Variants in MOB3A observed in about 807,000 individuals in gnomAD.
MOB3A encodes the protein MOB kinase activator 3A.
MOB3A carries 17 observed loss-of-function variants against 17.8 expected under a neutral mutation model. That is an observed-to-expected ratio of 0.95 (90% CI 0.65 to 1.43). The LOEUF (loss-of-function observed/expected upper bound fraction) is 1.43. Among genes scored for constraint, MOB3A ranks in the 40% most tolerant of loss-of-function variants. MOB3A has a pLI of 0.00. For synonymous variants in MOB3A, 124 were observed against 133.2 expected, an observed-to-expected ratio of 0.93 and a Z score of 0.48; for missense variants, 333 against 310.8, an observed-to-expected ratio of 1.07 and a Z score of -0.54.
intron 2 of MOB3A, among the ~76,000 whole-genome samples, chr19:2,081,171 G>A (rs935357463): frequency 6.6e-6 from 1 of 152,098 alleles, no homozygotes; most frequent in African/African-American, 2.4e-5. Flanking sequence ...GGAGGCCCCA[G>A]GGCTTAGGGT....
Position 2,073,277 on chromosome 19 carries a change from C to T in MOB3A, c.*118G>A. ...ACCAACACCTGCTCAGCGGCTCGGC[C>T]CCTGGTCTCCCTGAGATGCTCAGGC... On this transcript the variant is annotated 3_prime_UTR_variant, in exon 5 of 5. Coordinates refer to ENST00000357066, the MANE Select transcript of MOB3A (RefSeq NM_130807.3). The T allele has an allele frequency of 7.4e-7, 1 of 1,343,274 alleles. No individual in the cohort carries two copies. Among genetic ancestry groups the T allele is most frequent in the Non-Finnish European group, 1.1e-6 (1 of 951,864 alleles). 83.2% of individuals were successfully genotyped at this position (1,343,274 alleles called of 1,614,324 possible).
intron 1 of MOB3A, among the ~76,000 whole-genome samples, chr19:2,092,753 C>CAAA (rs745800527): frequency 1.9e-3 from 92 of 47,818 alleles, no homozygotes; most frequent in African/African-American, 4.7e-3. Flanking sequence ...AACTCCATCT[C>CAAA]AAAAAAAAAA....
chr19:2,080,210 T>C (rs1832167158), intron 2 of MOB3A, among the ~76,000 whole-genome samples: 2 of 152,002 alleles, frequency 1.3e-5, no homozygotes, highest in African/African-American at 4.8e-5. Context: ...CCACGCAGGG[T>C]GCTGGGCAGG....
rs540698426 is a variant in MOB3A at position 2,093,110 on chromosome 19, A to C, written c.-274+3116T>G. Reference sequence around the variant, plus strand: ...GTCAGCTGTGTGGGGAATTTTTCTGAAACCTCCACCATCAGGTCCCTAAGG... The same window carrying C: ...GTCAGCTGTGTGGGGAATTTTTCTGCAACCTCCACCATCAGGTCCCTAAGG... On this transcript the variant is annotated intron_variant, in intron 1 of 4. Coordinates refer to ENST00000357066, the MANE Select transcript of MOB3A (RefSeq NM_130807.3). This position sits in a 1 kb window ranked among gnomAD's most constrained non-coding sequence, Gnocchi z 4.6. 6.3e-4 allele frequency among the ~76,000 whole-genome samples: 96 copies of C among 152,188 alleles called. 1 individual carries two copies. The highest frequency in any genetic ancestry group is 1.0e-3 in the Admixed American group (16 of 15,288).
chr19:2,085,928 C>T (rs1378672170), intron 1 of MOB3A, among the ~76,000 whole-genome samples: 1 of 126,094 alleles, frequency 7.9e-6, no homozygotes, highest in Non-Finnish European at 1.6e-5. Context: ...TGTGCCACTG[C>T]ACTCCAGCCT....
chr19:2,084,436 A>C (rs2017527634), intron 2 of MOB3A, among the ~76,000 whole-genome samples: 1 of 151,752 alleles, frequency 6.6e-6, no homozygotes, highest in South Asian at 2.1e-4. Context: ...CGGAGGCTAC[A>C]GTGAGCTGAG....
In MOB3A at chr19:2,078,585, C is replaced by A; in HGVS notation, c.-25G>T. ...TCTTGGTGACGCCTGCTCTCCTGGACTTCTGTAGAGGGGTCCTGGGCCAGC... is the reference window on the plus strand; with the variant it reads ...TCTTGGTGACGCCTGCTCTCCTGGAATTCTGTAGAGGGGTCCTGGGCCAGC... On this transcript the variant is annotated 5_prime_UTR_variant, in exon 3 of 5. Coordinates refer to ENST00000357066, the MANE Select transcript of MOB3A (RefSeq NM_130807.3). 2 of 1,545,286 alleles carry A rather than the reference C, an allele frequency of 1.3e-6. No homozygotes were observed. Among genetic ancestry groups the A allele is most frequent in the Non-Finnish European group, 8.8e-7 (1 of 1,142,638 alleles).
chr19:2,084,877 C>A (rs781670143), intron 2 of MOB3A, among the ~76,000 whole-genome samples: 1 of 152,084 alleles, frequency 6.6e-6, no homozygotes, highest in Non-Finnish European at 1.5e-5. Context: ...GCGTGAGCCA[C>A]CGTGCCCGGC....
intron 4 of MOB3A, among the ~76,000 whole-genome samples, chr19:2,075,222 G>A (rs945263207): frequency 2.6e-5 from 4 of 152,080 alleles, no homozygotes; most frequent in African/African-American, 9.7e-5. Flanking sequence ...TAGAGATGAG[G>A]TCTCACTATG....
rs2017506757 is a variant in MOB3A, at chr19:2,082,891, T to A, written c.-120+2284A>T. ...CAGTGGCAGGATCATGGCTCACACT[T>A]CAGCCTCGACCTCCTAGCTCAAGGG... On this transcript the variant is annotated intron_variant, in intron 2 of 4. Transcript: ENST00000357066. This position sits in a 1 kb window ranked among gnomAD's most constrained non-coding sequence, Gnocchi z 4.1. 6.6e-6 allele frequency among the ~76,000 whole-genome samples: 1 copy of A among 152,140 alleles called. No individual in the cohort carries two copies.
At position 2,075,032 on chromosome 19, in the gene MOB3A, C is replaced by CT. The variant is rs903527212; in HGVS notation, c.625-1609dup. Among the ~76,000 whole-genome samples the CT allele has an allele frequency of 4.2e-3, 565 of 133,190 alleles. 2 individuals are homozygous for CT. Among genetic ancestry groups the CT allele is most frequent in the Middle Eastern group, 0.039 (9 of 230 alleles). The allele number at this position is 133,190 out of a possible 152,430, so 87.4% of individuals were successfully genotyped here. ...ACGCCGGGCCTTAATCTTTTCTTTT[C>CT]TTTTTTTTTTTTTTTGAGACAGGTT... On this transcript the variant is annotated intron_variant, in intron 4 of 4. Coordinates refer to ENST00000357066, the MANE Select transcript of MOB3A (RefSeq NM_130807.3).
intron 4 of MOB3A, 49 bp downstream of exon 4, chr19:2,076,762 G>A (rs768608116): frequency 2.5e-6 from 4 of 1,586,700 alleles, no homozygotes; most frequent in Non-Finnish European, 2.6e-6. Flanking sequence ...TCTGCCACGG[G>A]CCACCAGCCC....
At chr19:2,073,956 G>A (rs2017372077) in intron 4 of MOB3A, among the ~76,000 whole-genome samples, 2 of 151,950 alleles carry the variant, frequency 1.3e-5, no homozygotes, top group African/African-American at 4.8e-5. Context: ...GCTTGAACCT[G>A]GGAGACAGAG....
chr19:2,077,113 C>G, intron 3 of MOB3A, 100 bp from the exon 4 acceptor site: 2 of 1,120,494 alleles, frequency 1.8e-6, no homozygotes, highest in Non-Finnish European at 2.6e-6. Flanking sequence ...ACAGAAATTG[C>G]TGGCAGATCG....
At chr19:2,080,648 T>C (rs1245772805) in intron 2 of MOB3A, among the ~76,000 whole-genome samples, 2 of 152,114 alleles carry the variant, frequency 1.3e-5, no homozygotes, top group African/African-American at 4.8e-5. Flanking sequence ...AGTGCTGGGA[T>C]TGCAAGCGAG....
At chr19:2,090,558 A>T (rs1427076209) in intron 1 of MOB3A, among the ~76,000 whole-genome samples, 2 of 152,126 alleles carry the variant, frequency 1.3e-5, no homozygotes, top group Non-Finnish European at 2.9e-5. Flanking sequence ...CTCAATACCC[A>T]GGGGGAGACC....
rs1164871586 is a variant in MOB3A, at chr19:2,071,584, G to A, written c.*1811C>T. The stretch of plus-strand genomic sequence containing the variant: ...AGGCCACTGACAATTCTGGTGAGGA[G>A]TAGGGTGGCAGGGGTTCAGCCAGGG... On this transcript the variant is annotated 3_prime_UTR_variant, in exon 5 of 5. Coordinates refer to ENST00000357066, the MANE Select transcript of MOB3A (RefSeq NM_130807.3). 6.5e-6 allele frequency: 1 copy of A among 153,048 alleles called. No homozygotes were observed. Among genetic ancestry groups the A allele is most frequent in the Non-Finnish European group, 1.5e-5 (1 of 68,686 alleles). The allele number at this position is 153,048 out of a possible 1,614,324, so 9.5% of individuals were successfully genotyped here.
chr19:2,083,185 C>T (rs1437723040), intron 2 of MOB3A, among the ~76,000 whole-genome samples: 1 of 152,210 alleles, frequency 6.6e-6, no homozygotes, highest in Non-Finnish European at 1.5e-5. Context: ...AATCCCGCAG[C>T]CCAGCCTCAG....
chr19:2,092,139 C>G (rs1350190233), intron 1 of MOB3A, among the ~76,000 whole-genome samples: 1 of 138,098 alleles, frequency 7.2e-6, no homozygotes, highest in Admixed American at 7.4e-5. Flanking sequence ...TTCGCTCTAT[C>G]CCCCAGGCTG....
Sources: allele counts gnomAD v4.1 joint callset (sites outside exome capture counted in the v4.1 genomes callset), GRCh38; gene constraint gnomAD v4.1.1; non-coding constraint Gnocchi (gnomAD v3.1); transcripts MANE v1.5; gene names NCBI Gene and HGNC (gene_info 2026-07-23, HGNC 2026-07-21).